The following SLC8A3 variants were observed in gnomAD, a reference collection of about 807,000 sequenced individuals.
SLC8A3 encodes sodium/calcium exchanger 3.
Under a neutral mutation model 65.4 loss-of-function variants are expected in SLC8A3, and 37 were observed. The ratio of observed to expected loss-of-function variants is 0.57; its 90% CI spans 0.44 to 0.74. SLC8A3 has a LOEUF of 0.74. SLC8A3 is among the 30% of genes least tolerant of loss of function. The pLI is 0.00. For synonymous variants in SLC8A3, 461 were observed against 444.5 expected (o/e 1.04, Z -0.47); for missense variants, 1,112 against 1,172.1 (o/e 0.95, Z 0.75).
intron 1 of SLC8A3, among the ~76,000 whole-genome samples, chr14:70,178,275 G>A (rs1882411064): frequency 6.6e-6 from 1 of 152,200 alleles, no homozygotes; most frequent in Non-Finnish European, 1.5e-5. Context: ...GTGTTCCTCA[G>A]TCTAGTCAAG....
chr14:70,120,996 A>C (rs1295058598), intron 2 of SLC8A3, among the ~76,000 whole-genome samples: 1 of 152,142 alleles, frequency 6.6e-6, no homozygotes, highest in Non-Finnish European at 1.5e-5. Context: ...TAGTGGAAGG[A>C]GGGGATAAGG....
At chr14:70,095,293 G>GGCCA (rs1892092711) in intron 2 of SLC8A3, among the ~76,000 whole-genome samples, 4 of 152,274 alleles carry the variant, frequency 2.6e-5, no homozygotes, top group Admixed American at 6.5e-5. Context: ...AGGACCCCCT[G>GGCCA]GCCAGCCAGT....
chr14:70,046,297 G>A lies in SLC8A3; in HGVS notation c.2416C>T (p.Leu806Phe). Residue 806 changes from leucine to phenylalanine, a missense_variant, in exon 7 of 7, where the codon CTC (leucine) becomes TTC (phenylalanine). Leu to Phe is a conservative substitution (Grantham distance 22). Coordinates refer to ENST00000356921, the MANE Select transcript of SLC8A3 (RefSeq NM_182932.3). This position sits in a 1 kb window ranked among gnomAD's most constrained non-coding sequence, Gnocchi z 4.2. ...GAGGCGTCTGCATATACATCCTGGA[G>A]GGCAGCAGCTTTGCTGGCAAACGTA... ...PDTFASKAAA[L>F]QDVYADASIG... 1 of 1,610,384 alleles carries A rather than the reference G, an allele frequency of 6.2e-7. No individual in the cohort carries two copies. The highest frequency in any genetic ancestry group is 8.5e-7 in the Non-Finnish European group (1 of 1,177,696).
intron 2 of SLC8A3, among the ~76,000 whole-genome samples, chr14:70,087,534 G>T (rs1202957860): frequency 6.6e-6 from 1 of 152,092 alleles, no homozygotes; most frequent in Non-Finnish European, 1.5e-5. Context: ...CCATAAAAAA[G>T]AGTTAAAAGC....
chr14:70,093,202 G>C (rs906442467), intron 2 of SLC8A3, among the ~76,000 whole-genome samples: 8 of 152,226 alleles, frequency 5.3e-5, no homozygotes, highest in Non-Finnish European at 1.0e-4. Context: ...TGCTGCAGAA[G>C]TGTTGGCTAT....
At chr14:70,148,411 G>A (rs980708841) in intron 2 of SLC8A3, among the ~76,000 whole-genome samples, 1 of 152,152 alleles carries the variant, frequency 6.6e-6, no homozygotes, top group East Asian at 1.9e-4. Flanking sequence ...GCATGGGAGA[G>A]GGTTGGCAGA....
chr14:70,077,365 C>A (rs933893731), intron 2 of SLC8A3, among the ~76,000 whole-genome samples: 2 of 152,182 alleles, frequency 1.3e-5, no homozygotes, highest in Non-Finnish European at 2.9e-5. Context: ...CCTGCTGCCC[C>A]AGTGGAAGCT....
chr14:70,176,458 GA>G (rs1278622187), intron 1 of SLC8A3, among the ~76,000 whole-genome samples: 1 of 152,188 alleles, frequency 6.6e-6, no homozygotes, highest in African/African-American at 2.4e-5. Context: ...TTATGTTTTT[GA>G]AAAGTTCTTT....
In SLC8A3 at chr14:70,167,718, G is replaced by A. The variant is rs35113711; in HGVS notation, c.705C>T (p.Leu235=). The stretch of plus-strand genomic sequence containing the variant: ...ACACTGGAAAGAAGAAGAGAGTGAG[G>A]AGGCCTTCCCAAACCTGGACCACAC... ...SPGVVQVWEG[L]LTLFFFPVCV... The change falls in exon 2 of 7, where the codon CTC becomes CTT. Residue 235 remains leucine, a synonymous_variant. Transcript: ENST00000356921. 1.1e-3 allele frequency: 1,709 copies of A among 1,614,112 alleles called. 18 individuals carry two copies. The African/African-American group carries it at 0.017, about 16-fold the overall frequency.
intron 2 of SLC8A3, among the ~76,000 whole-genome samples, chr14:70,160,341 A>G (rs1330602737): frequency 6.6e-6 from 1 of 152,150 alleles, no homozygotes; most frequent in Non-Finnish European, 1.5e-5. Context: ...GCTACTTAGG[A>G]GGCTGAGGCA....
At chr14:70,116,775 C>T (rs554973378) in intron 2 of SLC8A3, among the ~76,000 whole-genome samples, 40 of 152,228 alleles carry the variant, frequency 2.6e-4, no homozygotes, top group Middle Eastern at 3.4e-3. Context: ...GGGGCACAGC[C>T]GAACCTCTGC....
At chr14:70,085,208 A>G (rs1348399978) in intron 2 of SLC8A3, among the ~76,000 whole-genome samples, 2 of 152,176 alleles carry the variant, frequency 1.3e-5, no homozygotes, top group South Asian at 2.1e-4. Flanking sequence ...ATTTCTTCTG[A>G]GCACTGGTGT....
At chr14:70,125,137 G>A (rs1894354303) in intron 2 of SLC8A3, among the ~76,000 whole-genome samples, 1 of 152,120 alleles carries the variant, frequency 6.6e-6, no homozygotes, top group South Asian at 2.1e-4. Flanking sequence ...CATAGGACAG[G>A]AGCAGTAGTT....
intron 2 of SLC8A3, among the ~76,000 whole-genome samples, chr14:70,135,577 T>A (rs1011525986): frequency 2.0e-5 from 3 of 152,034 alleles, no homozygotes; most frequent in Non-Finnish European, 4.4e-5. Context: ...ATAAATAAGA[T>A]CCTGTCATTT....
intron 5 of SLC8A3, among the ~76,000 whole-genome samples, chr14:70,050,281 C>T (rs1305814147): frequency 6.6e-6 from 1 of 152,172 alleles, no homozygotes. Context: ...CAGCAAACCT[C>T]TCTTCCTGGC....
At chr14:70,122,133 G>A (rs189593879) in intron 2 of SLC8A3, among the ~76,000 whole-genome samples, 2 of 152,284 alleles carry the variant, frequency 1.3e-5, no homozygotes, top group East Asian at 3.9e-4. Flanking sequence ...CAAAAGAAGA[G>A]CTATTTCAGA....
intron 2 of SLC8A3, among the ~76,000 whole-genome samples, chr14:70,080,942 A>C (rs368650947): frequency 6.6e-6 from 1 of 152,218 alleles, no homozygotes; most frequent in East Asian, 1.9e-4. Context: ...AACTTGCCCA[A>C]TGTCACACAG....
intron 2 of SLC8A3, among the ~76,000 whole-genome samples, chr14:70,159,226 TG>T (rs1452943984): frequency 2.0e-5 from 3 of 152,070 alleles, no homozygotes; most frequent in African/African-American, 7.2e-5. Flanking sequence ...CTGGCCAACA[TG>T]GCAAAACCCC....
chr14:70,171,848 A>T (rs1416671531), intron 1 of SLC8A3, among the ~76,000 whole-genome samples: 1 of 147,830 alleles, frequency 6.8e-6, no homozygotes, highest in Admixed American at 6.7e-5. Flanking sequence ...GATGGCTAGT[A>T]AATGCAGGCA....
Sources: allele counts gnomAD v4.1 joint callset (sites outside exome capture counted in the v4.1 genomes callset), GRCh38; gene constraint gnomAD v4.1.1; non-coding constraint Gnocchi (gnomAD v3.1); transcripts MANE v1.5; gene names NCBI Gene and HGNC (gene_info 2026-07-23, HGNC 2026-07-21).